Variants in DPP10 observed in about 807,000 individuals in gnomAD.
DPP10 encodes inactive dipeptidyl peptidase 10.
In DPP10, 33 loss-of-function variants were observed where a neutral mutation model predicts 120.9. The ratio of observed to expected loss-of-function variants is 0.27; its 90% CI spans 0.21 to 0.37. The LOEUF is 0.37. DPP10 is among the 10% of genes least tolerant of loss of function. DPP10 has a pLI of 1.00. For missense variants in DPP10, 816 were observed against 942.8 expected, an observed-to-expected ratio of 0.87 and a Z score of 1.76; for synonymous variants, 337 against 326.1, an observed-to-expected ratio of 1.03 and a Z score of -0.36.
At chr2:115,747,213 A>G (rs1394750913) in intron 10 of DPP10, among the ~76,000 whole-genome samples, 1 of 152,100 alleles carries the variant, frequency 6.6e-6, no homozygotes, top group Admixed American at 6.5e-5. Flanking sequence ...GGGGCTCAGG[A>G]CTCATTGATA....
intron 3 of DPP10, among the ~76,000 whole-genome samples, chr2:115,480,638 G>A (rs1900747): frequency 0.97 from 147,463 of 152,190 alleles, 71,615 homozygotes; most frequent in East Asian, 1. Flanking sequence ...GTTAAAACGC[G>A]GGTGAGGTGA....
At chr2:115,250,719 A>G (rs771658487) in intron 1 of DPP10, among the ~76,000 whole-genome samples, 1 of 152,206 alleles carries the variant, frequency 6.6e-6, no homozygotes, top group Non-Finnish European at 1.5e-5. Context: ...GAAAGCCTTT[A>G]CTTTGGAAAG....
Position 114,663,242 on chromosome 2 carries a change from G to GTA in DPP10, c.60+220405_60+220406insAT, listed in dbSNP as rs757487003. On this transcript the variant is annotated intron_variant, in intron 1 of 25. Coordinates refer to ENST00000410059, the MANE Select transcript of DPP10 (RefSeq NM_020868.6). The stretch of plus-strand genomic sequence containing the variant: ...GATGTGTATATTAAGAGCCTTGTGT[G>GTA]TGTATATATATATATATCTATATAT... 3.0e-4 allele frequency among the ~76,000 whole-genome samples: 40 copies of GTA among 134,004 alleles called. 2 individuals carry two copies. Among genetic ancestry groups the GTA allele is most frequent in the African/African-American group, 5.7e-4 (22 of 38,896 alleles). 87.9% of individuals were successfully genotyped at this position (134,004 alleles called of 152,430 possible).
chr2:115,290,091 T>G (rs2060591738), intron 1 of DPP10, among the ~76,000 whole-genome samples: 1 of 152,098 alleles, frequency 6.6e-6, no homozygotes. Context: ...GTTTGCAAAC[T>G]ATACATCCAA....
At position 115,827,218 on chromosome 2, in the gene DPP10, A is replaced by T. The variant is rs116105005; in HGVS notation, c.1951-8939A>T. 6.0e-3 allele frequency among the ~76,000 whole-genome samples: 908 copies of T among 151,156 alleles called. 20 individuals carry two copies. Among genetic ancestry groups the T allele is most frequent in the African/African-American group, 0.021 (869 of 41,282 alleles). ...CTAATTAAAGTTGTCCTCCTGTGAT[A>T]TTATTTTACTTCACTCTTCAAGGTA... is the stretch of plus-strand genomic sequence containing the variant. On this transcript the variant is annotated intron_variant, in intron 21 of 25. Transcript: ENST00000410059.
intron 1 of DPP10, among the ~76,000 whole-genome samples, chr2:114,875,536 A>T (rs1574394412): frequency 6.6e-6 from 1 of 152,152 alleles, no homozygotes; most frequent in East Asian, 1.9e-4. Context: ...CCAAATTCTC[A>T]GCAGTGTGCT....
chr2:114,743,606 C>T (rs1348096255), intron 1 of DPP10, among the ~76,000 whole-genome samples: 1 of 152,170 alleles, frequency 6.6e-6, no homozygotes, highest in Non-Finnish European at 1.5e-5. Context: ...TCCTTAGCCT[C>T]TCTGTTGATT....
chr2:114,940,556 C>CA (rs765537282), intron 1 of DPP10, among the ~76,000 whole-genome samples: 7,359 of 107,040 alleles, frequency 0.069, 196 homozygotes, highest in Admixed American at 0.1. Context: ...GACCACTCAG[C>CA]AAAAAAAAAA....
chr2:115,407,493 C>CCATT (rs528069603), intron 3 of DPP10, among the ~76,000 whole-genome samples: 8 of 152,244 alleles, frequency 5.3e-5, no homozygotes, highest in South Asian at 4.1e-4. Flanking sequence ...GCAAAAGGGG[C>CCATT]CATTGTCCAA....
intron 3 of DPP10, among the ~76,000 whole-genome samples, chr2:115,390,143 G>A (rs1295938154): frequency 1.3e-5 from 2 of 152,168 alleles, no homozygotes; most frequent in Non-Finnish European, 2.9e-5. Flanking sequence ...AGATACTCAA[G>A]TATTATTTGT....
intron 1 of DPP10, among the ~76,000 whole-genome samples, chr2:114,582,409 C>A (rs190843892): frequency 6.6e-6 from 1 of 152,270 alleles, no homozygotes; most frequent in Admixed American, 6.5e-5. Flanking sequence ...TATCAGTGTG[C>A]AGGTTTTTGA....
intron 1 of DPP10, among the ~76,000 whole-genome samples, chr2:115,015,503 C>A (rs1466857528): frequency 1.3e-5 from 2 of 152,006 alleles, no homozygotes; most frequent in Non-Finnish European, 2.9e-5. Flanking sequence ...CTGGCCAGGG[C>A]AATCAGGCCA....
chr2:114,805,187 C>G (rs1025347666), intron 1 of DPP10, among the ~76,000 whole-genome samples: 1 of 152,184 alleles, frequency 6.6e-6, no homozygotes. Flanking sequence ...CCATGTGGAC[C>G]TGTAAGTCCA....
intron 1 of DPP10, among the ~76,000 whole-genome samples, chr2:115,002,720 C>G (rs1416534798): frequency 6.6e-6 from 1 of 151,960 alleles, no homozygotes; most frequent in Non-Finnish European, 1.5e-5. Context: ...AGACACTTAC[C>G]AAAAGAAGAC....
chr2:115,448,002 G>A (rs955786426), intron 3 of DPP10, among the ~76,000 whole-genome samples: 1 of 152,220 alleles, frequency 6.6e-6, no homozygotes, highest in African/African-American at 2.4e-5. Context: ...AAAGAGTACA[G>A]AAGTTTGTTA....
rs921002278 is a variant in DPP10, at chr2:115,411,331, C to CA, written c.271+67428dup. Among the ~76,000 whole-genome samples the CA allele has an allele frequency of 5.4e-4, 79 of 147,516 alleles. No individual in the cohort carries two copies. In the Middle Eastern group the frequency reaches 0.01, roughly 19 times the overall value. On this transcript the variant is annotated intron_variant, in intron 3 of 25. Transcript: ENST00000410059. ...TGGGCAACAGAGTGAGACTCCGTCT[C>CA]AAAAAAAAAGGAGAGAAAAAAAAGA...
At chr2:115,362,069 T>C (rs1437480702) in intron 3 of DPP10, among the ~76,000 whole-genome samples, 1 of 152,136 alleles carries the variant, frequency 6.6e-6, no homozygotes, top group Middle Eastern at 3.2e-3. Context: ...TGCATTTCTT[T>C]ATGAATGGCT....
intron 13 of DPP10, among the ~76,000 whole-genome samples, chr2:115,769,655 A>C (rs1213567602): frequency 1.3e-5 from 2 of 152,020 alleles, no homozygotes; most frequent in Non-Finnish European, 2.9e-5. Context: ...ATGCATTTAT[A>C]GATGCATTTA....
intron 2 of DPP10, among the ~76,000 whole-genome samples, chr2:115,332,418 G>T (rs76494216): frequency 6.6e-6 from 1 of 151,934 alleles, no homozygotes; most frequent in African/African-American, 2.4e-5. Flanking sequence ...TTATATCTCT[G>T]TCTCCTTCAG....
Sources: allele counts gnomAD v4.1 joint callset (sites outside exome capture counted in the v4.1 genomes callset), GRCh38; gene constraint gnomAD v4.1.1; transcripts MANE v1.5; gene names NCBI Gene and HGNC (gene_info 2026-07-23, HGNC 2026-07-21).